The following NHS variants were observed in gnomAD, a reference collection of about 807,000 sequenced individuals.
The protein encoded by NHS is NHS actin remodeling regulator.
In NHS, 5 loss-of-function variants were observed where a neutral mutation model predicts 72.5. That is an observed-to-expected ratio of 0.07 (90% confidence interval 0.04 to 0.14). The LOEUF (loss-of-function observed/expected upper bound fraction) is 0.14. Ranked by LOEUF, NHS falls within the 10% of genes least tolerant of loss-of-function variation. NHS has a pLI of 1.00. For missense variants in NHS, 1,072 were observed against 1,355.7 expected, an observed-to-expected ratio of 0.79 and a Z score of 3.29; for synonymous variants, 464 against 547.7, an observed-to-expected ratio of 0.85 and a Z score of 2.13.
At chrX:17,593,388 G>A (rs1176204943) in intron 1 of NHS, among the ~76,000 whole-genome samples, 1 of 110,810 alleles carries the variant, frequency 9.0e-6, no homozygotes, top group Non-Finnish European at 1.9e-5. Flanking sequence ...TGGGCCCACT[G>A]GGAAGGAACA....
chrX:17,529,380 T>C (rs1360817313), intron 1 of NHS, among the ~76,000 whole-genome samples: 2 of 111,653 alleles, frequency 1.8e-5, no homozygotes, highest in African/African-American at 3.3e-5. Flanking sequence ...GAAAAGTGCA[T>C]GTACATATAT....
intron 1 of NHS, among the ~76,000 whole-genome samples, chrX:17,450,412 C>G (rs1484762533): frequency 1.8e-5 from 2 of 112,020 alleles, no homozygotes; most frequent in East Asian, 5.6e-4. Flanking sequence ...TTCATTTAAT[C>G]CTCACCAACT....
chrX:17,492,121 G>A (rs755576882), intron 1 of NHS, among the ~76,000 whole-genome samples: 1 of 110,640 alleles, frequency 9.0e-6, no homozygotes, highest in South Asian at 3.8e-4. Flanking sequence ...GGGTTTTCAT[G>A]TCTCTATCTC....
intron 1 of NHS, among the ~76,000 whole-genome samples, chrX:17,433,091 G>A (rs1044902258): frequency 3.7e-5 from 4 of 107,678 alleles, no homozygotes; most frequent in Non-Finnish European, 5.7e-5. Context: ...GTTCAGTGGC[G>A]CAATCTCGGC....
chrX:17,570,943 A>G (rs1419813125), intron 1 of NHS, among the ~76,000 whole-genome samples: 4 of 112,014 alleles, frequency 3.6e-5, no homozygotes, highest in Non-Finnish European at 5.6e-5. Flanking sequence ...GGTTTTTGTC[A>G]TTGGTTCTGT....
chrX:17,382,493 G>A (rs1311355778), intron 1 of NHS, among the ~76,000 whole-genome samples: 2 of 112,012 alleles, frequency 1.8e-5, no homozygotes, highest in Non-Finnish European at 3.8e-5. Context: ...CACCAACCTC[G>A]AGGTCATGAA....
chrX:17,617,076 C>T (rs770094796), intron 1 of NHS, among the ~76,000 whole-genome samples: 25 of 112,268 alleles, frequency 2.2e-4, no homozygotes, highest in Non-Finnish European at 4.5e-4. Flanking sequence ...AAACTGGGGC[C>T]TACTGCTGGC....
chrX:17,510,143 T>C (rs1190295593), intron 1 of NHS, among the ~76,000 whole-genome samples: 1 of 112,759 alleles, frequency 8.9e-6, no homozygotes, highest in African/African-American at 3.2e-5. Context: ...ACTGTTATTT[T>C]ATTTCTCTTT....
chrX:17,662,506 T>A (rs2065987271), intron 1 of NHS, among the ~76,000 whole-genome samples: 1 of 111,938 alleles, frequency 8.9e-6, no homozygotes, highest in Non-Finnish European at 1.9e-5. Flanking sequence ...TCTTTCAAAT[T>A]AAGGCTATAA....
chrX:17,718,310 A>G (rs1188234018), intron 3 of NHS, among the ~76,000 whole-genome samples: 2 of 85,928 alleles, frequency 2.3e-5, no homozygotes, highest in Non-Finnish European at 4.4e-5. Flanking sequence ...CTACCTCTGA[A>G]AAAATAAAGA....
chrX:17,420,449 C>T (rs763531748), intron 1 of NHS, among the ~76,000 whole-genome samples: 3 of 111,353 alleles, frequency 2.7e-5, no homozygotes, highest in African/African-American at 9.8e-5. Flanking sequence ...CACTCACTTA[C>T]TGAACTATCC....
chrX:17,564,562 G>A lies in NHS; in HGVS notation c.566-123180G>A, dbSNP rs183959538. ...ATTGAAATGGAATGATTCTGTGTGTGGTGTGCATGCTACAATTGGCAATGT... is the reference window on the plus strand; with the variant it reads ...ATTGAAATGGAATGATTCTGTGTGTAGTGTGCATGCTACAATTGGCAATGT... On this transcript the variant is annotated intron_variant, in intron 1 of 8. Transcript: ENST00000676302. 4.8e-3 allele frequency among the ~76,000 whole-genome samples: 534 copies of A among 112,202 alleles called. 1 individual carries two copies. Among genetic ancestry groups the A allele is most frequent in the Non-Finnish European group, 8.0e-3 (428 of 53,269 alleles).
chrX:17,633,944 AG>A (rs1412100994), intron 1 of NHS, among the ~76,000 whole-genome samples: 1 of 112,011 alleles, frequency 8.9e-6, no homozygotes, highest in African/African-American at 3.2e-5. Flanking sequence ...ATTGCTTTTA[AG>A]AACCCACACA....
At chrX:17,676,724 G>A (rs190152625) in intron 1 of NHS, among the ~76,000 whole-genome samples, 8 of 112,327 alleles carry the variant, frequency 7.1e-5, no homozygotes, top group South Asian at 3.7e-4. Flanking sequence ...AAGCTCAGGC[G>A]TGGAAGCCTT....
intron 1 of NHS, among the ~76,000 whole-genome samples, chrX:17,378,059 CGTGTGT>C (rs34807039): frequency 9.9e-6 from 1 of 101,033 alleles, no homozygotes; most frequent in Non-Finnish European, 2.0e-5. Flanking sequence ...ATACATTTCC[CGTGTGT>C]GTGTGTGTGT....
chrX:17,536,487 C>T (rs1188551128), intron 1 of NHS, among the ~76,000 whole-genome samples: 1 of 112,731 alleles, frequency 8.9e-6, no homozygotes, highest in Non-Finnish European at 1.9e-5. Context: ...CTGTCTCTAC[C>T]TAGTCAGAGA....
chrX:17,514,572 C>T (rs1025325256), intron 1 of NHS, among the ~76,000 whole-genome samples: 12 of 112,073 alleles, frequency 1.1e-4, no homozygotes, highest in Non-Finnish European at 2.1e-4. Context: ...CCTTGCTCTT[C>T]AGCCTGCAGA....
chrX:17,615,261 C>CACATATATATATATAT (rs1569294309), intron 1 of NHS, among the ~76,000 whole-genome samples: 2 of 89,859 alleles, frequency 2.2e-5, no homozygotes, highest in Admixed American at 1.2e-4. Context: ...CATATATACA[C>CACATATATATATATAT]ATATATATAT....
At position 17,691,361 on chromosome X, in the gene NHS, C is replaced by T. The variant is rs192416077; in HGVS notation, c.719-974C>T. ...GCACTTTAACAAGGAAGACATTTAT[C>T]TTAAACAGCCTTCGGATAAACATTG... On this transcript the variant is annotated intron_variant, in intron 2 of 8. Transcript: ENST00000676302. 4.6e-3 allele frequency among the ~76,000 whole-genome samples: 514 copies of T among 112,240 alleles called. 2 individuals are homozygous for T. Among genetic ancestry groups the T allele is most frequent in the African/African-American group, 0.016 (494 of 30,860 alleles).
Sources: gnomAD v4.1 joint callset for allele counts (sites outside exome capture counted in the v4.1 genomes callset) on GRCh38, gnomAD v4.1.1 for gene constraint, MANE v1.5 for transcripts, NCBI Gene and HGNC (gene_info 2026-07-23, HGNC 2026-07-21) for gene names.